SLCO5A1: variants seen among roughly 807,000 people sequenced by gnomAD.
SLCO5A1 encodes solute carrier organic anion transporter family member 5A1.
In SLCO5A1, 39 loss-of-function variants were observed where a neutral mutation model predicts 65.1. That is an observed-to-expected ratio of 0.60 (90% CI 0.46 to 0.78). The LOEUF is 0.78. Among genes scored for constraint, SLCO5A1 ranks in the 30% least tolerant of loss-of-function variants. SLCO5A1 has a pLI of 0.00. For synonymous variants in SLCO5A1, 438 were observed against 415.7 expected (o/e 1.05, Z -0.65); for missense variants, 1,029 against 1,069.4 (o/e 0.96, Z 0.53).
intron 2 of SLCO5A1, 100 bp downstream of exon 2, chr8:69,831,667 A>G (rs1821157968): frequency 7.9e-7 from 1 of 1,272,900 alleles, no homozygotes; most frequent in African/African-American, 1.5e-5. Flanking sequence ...AATCTATAAT[A>G]TACATGAAAA....
intron 2 of SLCO5A1, among the ~76,000 whole-genome samples, chr8:69,804,346 C>T (rs1456938555): frequency 6.6e-6 from 1 of 152,160 alleles, no homozygotes; most frequent in African/African-American, 2.4e-5. Flanking sequence ...GTCTCACTCA[C>T]TCTGTCACCC....
intron 2 of SLCO5A1, among the ~76,000 whole-genome samples, chr8:69,830,080 T>C (rs1821095446): frequency 6.6e-6 from 1 of 152,204 alleles, no homozygotes; most frequent in Non-Finnish European, 1.5e-5. Context: ...TATTCTTCTC[T>C]ACCCAGAAAG....
intron 2 of SLCO5A1, among the ~76,000 whole-genome samples, chr8:69,818,157 T>C (rs1820481275): frequency 6.6e-6 from 1 of 152,256 alleles, no homozygotes; most frequent in Non-Finnish European, 1.5e-5. Context: ...CCACAGTTTA[T>C]GAAATACCCA....
At chr8:69,684,049 C>T (rs768449042) in intron 6 of SLCO5A1, among the ~76,000 whole-genome samples, 2 of 152,126 alleles carry the variant, frequency 1.3e-5, no homozygotes, top group Admixed American at 6.5e-5. Flanking sequence ...ATCAAGAAAT[C>T]CTCCTAACAA....
rs1160767363 is a variant in SLCO5A1 at position 69,755,491 on chromosome 8, C to T, written c.1191G>A (p.Glu397=). ...CCGCTTGTTCACTGTTGTTTGATTT[C>T]TCCTTCAGAACATCGTCATCACTAA... The part of the protein sequence containing the change: ...DAVSDDDVLK[E]KSNNSEQADK... The change falls in exon 4 of 10, where the codon GAG becomes GAA. Residue 397 remains glutamate (E), a synonymous_variant. Transcript: ENST00000260126. 6.2e-7 allele frequency: 1 copy of T among 1,613,948 alleles called. No individual in the cohort carries two copies. Among genetic ancestry groups the T allele is most frequent in the Non-Finnish European group, 8.5e-7 (1 of 1,179,994 alleles).
chr8:69,756,832 C>T (rs1166423408), intron 3 of SLCO5A1, among the ~76,000 whole-genome samples: 1 of 152,206 alleles, frequency 6.6e-6, no homozygotes, highest in Non-Finnish European at 1.5e-5. Context: ...GGCAATTTCT[C>T]AGTTCCCTTT....
chr8:69,676,567 A>T (rs370581007), intron 9 of SLCO5A1, 42 bp downstream of exon 9: 54 of 1,575,084 alleles, frequency 3.4e-5, no homozygotes, highest in South Asian at 1.6e-4. Flanking sequence ...TGCCATCTGC[A>T]AAGAGGAACT....
intron 2 of SLCO5A1, among the ~76,000 whole-genome samples, chr8:69,822,228 C>T (rs910856812): frequency 2.0e-5 from 3 of 152,234 alleles, no homozygotes; most frequent in African/African-American, 4.8e-5. Context: ...CATTCCGCCA[C>T]AGTCCATGAG....
chr8:69,773,558 G>C (rs1818431893), intron 2 of SLCO5A1, among the ~76,000 whole-genome samples: 1 of 152,220 alleles, frequency 6.6e-6, no homozygotes, highest in South Asian at 2.1e-4. Context: ...TCTCTTGGAA[G>C]TGGAAACAAT....
chr8:69,706,186 T>C (rs1814961451), intron 5 of SLCO5A1, among the ~76,000 whole-genome samples: 1 of 152,202 alleles, frequency 6.6e-6, no homozygotes, highest in Non-Finnish European at 1.5e-5. Flanking sequence ...TGCAGCAGAA[T>C]GCACAAGACA....
chr8:69,693,721 A>G (rs1322104119), intron 6 of SLCO5A1, among the ~76,000 whole-genome samples: 1 of 152,238 alleles, frequency 6.6e-6, no homozygotes, highest in Non-Finnish European at 1.5e-5. Context: ...CTTACAATTT[A>G]TGAATTTTAT....
chr8:69,830,861 T>G (rs190501051), intron 2 of SLCO5A1, among the ~76,000 whole-genome samples: 1 of 152,328 alleles, frequency 6.6e-6, no homozygotes, highest in Non-Finnish European at 1.5e-5. Flanking sequence ...TTCATACAAT[T>G]GAGGGTTTTT....
At chr8:69,727,699 A>C (rs369422795) in intron 5 of SLCO5A1, among the ~76,000 whole-genome samples, 1 of 152,206 alleles carries the variant, frequency 6.6e-6, no homozygotes, top group African/African-American at 2.4e-5. Context: ...AAAGATGTCA[A>C]TTTGCTTTGG....
chr8:69,679,549 C>A lies in SLCO5A1; in HGVS notation c.1853G>T (p.Arg618Leu). 1.9e-6 allele frequency: 3 copies of A among 1,614,222 alleles called. No individual in the cohort carries two copies. The highest frequency in any genetic ancestry group is 2.5e-6 in the Non-Finnish European group (3 of 1,180,046). The change falls in exon 8 of 10, where the codon CGA becomes CTA. Residue 618 changes from arginine to leucine, a missense_variant. Coordinates refer to ENST00000260126, the MANE Select transcript of SLCO5A1 (RefSeq NM_030958.3). ...QVITPPTVGQ[R>L]SQLRVVIVKT... ...GACAATAACCACACGGAGCTGACTT[C>A]GCTGTCCCACGGTGGGTGGAGTGAT...
chr8:69,801,947 T>A (rs1195413121), intron 2 of SLCO5A1, among the ~76,000 whole-genome samples: 1 of 152,230 alleles, frequency 6.6e-6, no homozygotes, highest in Non-Finnish European at 1.5e-5. Flanking sequence ...CCACCTCATG[T>A]CGCCTCAAGC....
chr8:69,832,849 C>G lies in SLCO5A1; in HGVS notation c.-176G>C. 1 of 697,598 alleles carries G rather than the reference C, an allele frequency of 1.4e-6. No homozygotes were observed. The highest frequency in any genetic ancestry group is 2.3e-6 in the Non-Finnish European group (1 of 428,742). The allele number at this position is 697,598 out of a possible 1,614,324, so 43.2% of individuals were successfully genotyped here. A position where few individuals can be genotyped will look rare whatever the true frequency, so the allele number is the denominator to read the frequency against. ...ACCAGCTGCGAGGCGCCCAGTGCATCCTGATCACAGACACGGCTTCAAGGC... is the reference window on the plus strand; with the variant it reads ...ACCAGCTGCGAGGCGCCCAGTGCATGCTGATCACAGACACGGCTTCAAGGC... On this transcript the variant is annotated 5_prime_UTR_variant, in exon 2 of 10. Coordinates refer to ENST00000260126, the MANE Select transcript of SLCO5A1 (RefSeq NM_030958.3). The surrounding 1 kb of genome is among the most constrained non-coding windows in gnomAD (Gnocchi z 4.5).
intron 4 of SLCO5A1, among the ~76,000 whole-genome samples, chr8:69,743,014 A>C (rs1481074565): frequency 3.3e-5 from 5 of 151,808 alleles, no homozygotes; most frequent in Admixed American, 3.3e-4. Context: ...GTTAGCCAGG[A>C]TGGTCTCGAT....
chr8:69,709,086 T>C (rs1010443136), intron 5 of SLCO5A1, among the ~76,000 whole-genome samples: 10 of 152,170 alleles, frequency 6.6e-5, no homozygotes, highest in Non-Finnish European at 4.4e-5. Flanking sequence ...TGCGATGGGT[T>C]GAGTAGTCAG....
chr8:69,789,924 G>T (rs1819198327), intron 2 of SLCO5A1, among the ~76,000 whole-genome samples: 4 of 152,144 alleles, frequency 2.6e-5, no homozygotes, highest in Admixed American at 6.5e-5. Flanking sequence ...CGGGCACGGT[G>T]GCTCAAGCCT....
Sources: allele counts gnomAD v4.1 joint callset (sites outside exome capture counted in the v4.1 genomes callset), GRCh38; gene constraint gnomAD v4.1.1; non-coding constraint Gnocchi (gnomAD v3.1); transcripts MANE v1.5; gene names NCBI Gene and HGNC (gene_info 2026-07-23, HGNC 2026-07-21).